The following USP47 variants were observed in gnomAD, a reference collection of about 807,000 sequenced individuals.
USP47 encodes ubiquitin specific peptidase 47, also known as ubiquitin carboxyl-terminal hydrolase 47.
USP47 carries 35 observed loss-of-function variants against 165.1 expected under a neutral mutation model. The ratio of observed to expected loss-of-function variants is 0.21; its 90% confidence interval spans 0.16 to 0.28. USP47 has a LOEUF of 0.28. Among genes scored for constraint, USP47 ranks in the 10% least tolerant of loss-of-function variants. USP47 has a pLI of 1.00. For missense variants in USP47, 1,277 were observed against 1,607.4 expected (o/e 0.79, Z 3.52); for synonymous variants, 531 against 544.5 (o/e 0.98, Z 0.35).
intron 14 of USP47, among the ~76,000 whole-genome samples, chr11:11,932,130 A>G (rs975743873): frequency 6.6e-6 from 1 of 152,148 alleles, no homozygotes; most frequent in Non-Finnish European, 1.5e-5. Context: ...GTCAGAAGGC[A>G]ATATGGGAGC....
intron 14 of USP47, among the ~76,000 whole-genome samples, chr11:11,932,747 T>C (rs1379800788): frequency 6.6e-6 from 1 of 152,042 alleles, no homozygotes; most frequent in African/African-American, 2.4e-5. Flanking sequence ...CATACTGGAG[T>C]TGTTCTGGAG....
intron 24 of USP47, chr11:11,951,850 G>C (rs772909824): frequency 6.6e-6 from 1 of 152,122 alleles, no homozygotes; most frequent in Non-Finnish European, 1.5e-5. Context: ...ATCTGGGGTC[G>C]TAGGGAATAA....
At chr11:11,951,179 A>G (rs1421424247) in intron 24 of USP47, 3 of 152,330 alleles carry the variant, frequency 2.0e-5, no homozygotes, top group Non-Finnish European at 4.4e-5. Context: ...CTCTGCCTTC[A>G]TCTTCATGTG....
Position 11,937,594 on chromosome 11 carries a change from A to G in USP47, c.2078-663A>G, listed in dbSNP as rs1382166015. ...CTTGCTTTTTTTTTTTTTTTGCTAG[A>G]CAAGAAAAAGAATGATTAGGATATA... is the stretch of plus-strand genomic sequence containing the variant. On this transcript the variant is annotated intron_variant, in intron 17 of 27. Transcript: ENST00000527733. Among the ~76,000 whole-genome samples, 51 of 144,844 alleles carry G rather than the reference A, an allele frequency of 3.5e-4. 1 individual carries two copies. The highest frequency in any genetic ancestry group is 2.2e-4 in the Admixed American group (3 of 13,844).
In USP47 at chr11:11,961,877, C is replaced by T. The variant is rs1435755555; in HGVS notation, c.*5702C>T. Reference sequence around the variant, plus strand: ...CAAGGTATTCAAGCACCACCTCCACCCAGCCCCTCCCACATTTCACTCAGG... The same window carrying T: ...CAAGGTATTCAAGCACCACCTCCACTCAGCCCCTCCCACATTTCACTCAGG... On this transcript the variant is annotated 3_prime_UTR_variant, in exon 28 of 28. Transcript: ENST00000527733. 6.6e-6 allele frequency among the ~76,000 whole-genome samples: 1 copy of T among 152,180 alleles called. No individual in the cohort carries two copies. The highest frequency in any genetic ancestry group is 1.5e-5 in the Non-Finnish European group (1 of 68,032).
chr11:11,928,234 T>A (rs1024090243), intron 11 of USP47, among the ~76,000 whole-genome samples: 3 of 152,064 alleles, frequency 2.0e-5, no homozygotes, highest in Non-Finnish European at 2.9e-5. Context: ...GCATTTTAAT[T>A]TAATAACATG....
rs1211961260 is a variant in USP47, at chr11:11,942,636, A to G, written c.2615A>G (p.Asp872Gly). Reference sequence around the variant, plus strand: ...TCACTGCAGCAACAGCAGGATGGAGATAATGGGGACAGCAGCAAAAGTACT... The same window carrying G: ...TCACTGCAGCAACAGCAGGATGGAGGTAATGGGGACAGCAGCAAAAGTACT... Reference protein sequence around the residue: ...SLSLQQQQDGDNGDSSKSTET... With the variant: ...SLSLQQQQDGGNGDSSKSTET... The change falls in exon 20 of 28, where the codon GAT becomes GGT. Residue 872 changes from aspartate to glycine, a missense_variant. Transcript: ENST00000527733. 6.2e-7 allele frequency: 1 copy of G among 1,613,528 alleles called. No homozygotes were observed. The highest frequency in any genetic ancestry group is 1.7e-5 in the Admixed American group (1 of 59,880).
At chr11:11,930,576 A>G (rs888433373) in intron 13 of USP47, 120 bp from the exon 14 acceptor site, 1 of 760,042 alleles carries the variant, frequency 1.3e-6, no homozygotes, top group South Asian at 1.7e-5. Context: ...GTGTCTGTGA[A>G]CAGTGACATG....
intron 24 of USP47, 124 bp downstream of exon 24, chr11:11,950,606 A>G (rs1178922727): frequency 1.5e-6 from 1 of 680,644 alleles, no homozygotes; most frequent in Admixed American, 2.8e-5. Flanking sequence ...GTTTTGTGTT[A>G]TATTAAGCAT....
At position 11,905,494 on chromosome 11, in the gene USP47, T is replaced by C. The variant is rs746771715; in HGVS notation, c.915T>C (p.Leu305=). ...GYEGWRIDTY[L]DIPLVIRPYG... ...AGGGCTGGCGAATCGACACATATCT[T>C]GATATTCCATTGGTCATCCGACCTT... is the stretch of plus-strand genomic sequence containing the variant. The change falls in exon 8 of 28, where the codon CTT becomes CTC. Residue 305 remains leucine, a synonymous_variant. Transcript: ENST00000527733. 2 of 1,609,850 alleles carry C rather than the reference T, an allele frequency of 1.2e-6. No individual in the cohort carries two copies. The highest frequency in any genetic ancestry group is 1.3e-5 in the African/African-American group (1 of 74,834).
intron 4 of USP47, among the ~76,000 whole-genome samples, chr11:11,893,183 A>T (rs1204106659): frequency 1.3e-5 from 2 of 152,222 alleles, no homozygotes; most frequent in Non-Finnish European, 2.9e-5. Context: ...TAATGAATAA[A>T]TCTTGATAAA....
rs1429668280 is a variant in USP47, at chr11:11,930,097, ATAT to A, written c.1577_1579del (p.Tyr526del). 1 of 1,613,194 alleles carries A rather than the reference ATAT, an allele frequency of 6.2e-7. No individual in the cohort carries two copies. Among genetic ancestry groups the A allele is most frequent in the Non-Finnish European group, 8.5e-7 (1 of 1,179,270 alleles). ...ATGGTGGATCTTCAGGAAGCAGAGG[ATAT>A]TATTCTAGTGCTTTCGCAAGGTAAG... On this transcript the variant is annotated inframe_deletion, in exon 13 of 28. Transcript: ENST00000527733.
At chr11:11,904,291 T>C (rs1852406972) in intron 7 of USP47, among the ~76,000 whole-genome samples, 1 of 152,210 alleles carries the variant, frequency 6.6e-6, no homozygotes, top group Non-Finnish European at 1.5e-5. Context: ...CGCTGATGAA[T>C]GAAGAAGGCT....
intron 1 of USP47, among the ~76,000 whole-genome samples, chr11:11,850,927 G>C (rs1300952040): frequency 6.6e-6 from 1 of 152,174 alleles, no homozygotes; most frequent in East Asian, 1.9e-4. Flanking sequence ...GCTCTCTGGG[G>C]CCTCTTTTAC....
Position 11,956,295 on chromosome 11 carries a change from T to A in USP47, c.*120T>A. On this transcript the variant is annotated 3_prime_UTR_variant, in exon 28 of 28. Transcript: ENST00000527733. ...GGTAACCCAGTGACACCAGCACTGA[T>A]TGGACTGCCCTACACCAATCAGAAG... The A allele has an allele frequency of 9.5e-7, 1 of 1,055,016 alleles. No individual in the cohort carries two copies. Among genetic ancestry groups the A allele is most frequent in the Non-Finnish European group, 1.4e-6 (1 of 715,336 alleles). The allele number at this position is 1,055,016 out of a possible 1,614,324, so 65.4% of individuals were successfully genotyped here.
chr11:11,859,721 AC>A (rs1384845538), intron 1 of USP47, among the ~76,000 whole-genome samples: 3 of 152,178 alleles, frequency 2.0e-5, no homozygotes, highest in Admixed American at 2.0e-4. Context: ...AAGGGTAGTA[AC>A]TGATAGTTCT....
At chr11:11,870,471 T>C (rs529489767) in intron 1 of USP47, among the ~76,000 whole-genome samples, 9 of 152,332 alleles carry the variant, frequency 5.9e-5, no homozygotes, top group African/African-American at 1.7e-4. Flanking sequence ...GTTCTAAGGT[T>C]TCTTTGATGA....
Position 11,943,086 on chromosome 11 carries a change from A to G in USP47, c.3065A>G (p.Asp1022Gly), listed in dbSNP as rs1222226632. The G allele has an allele frequency of 6.2e-6, 10 of 1,612,540 alleles. No individual in the cohort carries two copies. The highest frequency in any genetic ancestry group is 4.0e-5 in the African/African-American group (3 of 74,838). The change falls in exon 20 of 28, where the codon GAT becomes GGT. Residue 1022 changes from aspartate to glycine, a missense_variant. Physicochemically the swap from Asp to Gly is moderately conservative, Grantham distance 94. This residue lies in a region of USP47 where 909 missense variants were observed against 1,068.1 expected (regional missense o/e 0.85). Coordinates refer to ENST00000527733, the MANE Select transcript of USP47 (RefSeq NM_001282659.2). ...MYFKAEPYAA[D>G]EGSGEGHKWL... ...TTCAAAGCTGAACCTTATGCTGCAG[A>G]TGAAGGTTCTGGGGAAGGACATAAA...
intron 14 of USP47, among the ~76,000 whole-genome samples, chr11:11,931,917 T>C (rs1405466665): frequency 6.6e-6 from 1 of 152,192 alleles, no homozygotes; most frequent in Non-Finnish European, 1.5e-5. Context: ...ATTTTTTGCA[T>C]ATACTTTATT....
Sources: gnomAD v4.1 joint callset for allele counts (sites outside exome capture counted in the v4.1 genomes callset) on GRCh38, gnomAD v4.1.1 for gene constraint, gnomAD v4.1.1 regional missense constraint, MANE v1.5 for transcripts, NCBI Gene and HGNC (gene_info 2026-07-23, HGNC 2026-07-21) for gene names.